The following POLR3A variants were observed in gnomAD, a reference collection of about 807,000 sequenced individuals.
POLR3A encodes DNA-directed RNA polymerase III subunit RPC1.
In POLR3A, 112 loss-of-function variants were observed where a neutral mutation model predicts 152.8. That is an observed-to-expected ratio of 0.73 (90% CI 0.63 to 0.86). The LOEUF (loss-of-function observed/expected upper bound fraction) is 0.86, where lower values mean the gene tolerates loss of function less well. POLR3A is among the 40% of genes least tolerant of loss of function. The pLI is 0.00. For synonymous variants in POLR3A, 615 were observed against 652.1 expected (o/e 0.94, Z 0.87); for missense variants, 1,385 against 1,743.1 (o/e 0.79, Z 3.66).
At chr10:77,985,793 A>G in intron 23 of POLR3A, 110 bp downstream of exon 23, 1 of 814,708 alleles carries the variant, frequency 1.2e-6, no homozygotes, top group Non-Finnish European at 2.2e-6. Flanking sequence ...CTGATCAAAT[A>G]CTGGCAGTTA....
chr10:78,017,532 A>G, intron 10 of POLR3A, 43 bp downstream of exon 10: 1 of 1,607,332 alleles, frequency 6.2e-7, no homozygotes, highest in Non-Finnish European at 8.5e-7. Flanking sequence ...CAGTCATGGC[A>G]AATTTCTACG....
intron 28 of POLR3A, among the ~76,000 whole-genome samples, chr10:77,981,899 C>T (rs1168685991): frequency 2.1e-4 from 30 of 143,938 alleles, no homozygotes; most frequent in African/African-American, 7.1e-4. Context: ...ATTAGCCGGG[C>T]GTGGTGGTGG....
Position 77,977,214 on chromosome 10 carries a change from G to T in POLR3A, c.*264C>A. On this transcript the variant is annotated 3_prime_UTR_variant, in exon 31 of 31. Coordinates refer to ENST00000372371, the MANE Select transcript of POLR3A (RefSeq NM_007055.4). ...GGGAAGCAGTGTGTGCACGAGCTGT[G>T]GGGCCGTCTATAGATTAGGTTTCAA... 2.2e-6 allele frequency: 1 copy of T among 458,204 alleles called. No individual in the cohort carries two copies. Among genetic ancestry groups the T allele is most frequent in the Admixed American group, 3.4e-5 (1 of 29,482 alleles). 28.4% of individuals were successfully genotyped at this position (458,204 alleles called of 1,614,324 possible). A position where few individuals can be genotyped will look rare whatever the true frequency, so the allele number is the denominator to read the frequency against.
In POLR3A at chr10:78,019,194, G is replaced by A; in HGVS notation, c.1257C>T (p.Asn419=). 6.2e-7 allele frequency: 1 copy of A among 1,613,892 alleles called. No homozygotes were observed. Among genetic ancestry groups the A allele is most frequent in the African/African-American group, 1.3e-5 (1 of 75,026 alleles). The change falls in exon 9 of 31, where the codon AAC becomes AAT. Residue 419 remains asparagine (N), a synonymous_variant. Coordinates refer to ENST00000372371, the MANE Select transcript of POLR3A (RefSeq NM_007055.4). The stretch of plus-strand genomic sequence containing the variant: ...TCTGCGTATGTCTCTGCTGAATGAA[G>A]TTTGCTCCTGGGTGAACCTCAGGGC... ...QNGPEVHPGA[N]FIQQRHTQMK... is the part of the protein sequence containing the mutation.
rs141330449 is a variant in POLR3A at position 77,986,036 on chromosome 10, C to T, written c.2988+37G>A. On this transcript the variant is annotated intron_variant, in intron 22 of 30. Transcript: ENST00000372371. ...AGTTAGGGCCAGCGGCAACTACAAACAGCTCGGGGTTCTAACGCGTCTTGG... is the reference window on the plus strand; with the variant it reads ...AGTTAGGGCCAGCGGCAACTACAAATAGCTCGGGGTTCTAACGCGTCTTGG... The T allele has an allele frequency of 5.1e-5, 81 of 1,592,552 alleles. No individual in the cohort carries two copies. The African/African-American group carries it at 9.9e-4, about 20-fold the overall frequency.
rs1198383777 is a variant in POLR3A, at chr10:78,029,418, G to T, written c.-11C>A. The T allele has an allele frequency of 1.2e-6, 2 of 1,613,946 alleles. No homozygotes were observed. The highest frequency in any genetic ancestry group is 1.7e-6 in the Non-Finnish European group (2 of 1,179,990). ...CTGCTCCTTCACCATGATGACCGCTGCCGGGACGCCTCCTTGGCACTCGGG... is the reference window on the plus strand; with the variant it reads ...CTGCTCCTTCACCATGATGACCGCTTCCGGGACGCCTCCTTGGCACTCGGG... On this transcript the variant is annotated 5_prime_UTR_variant, in exon 1 of 31. Transcript: ENST00000372371.
intron 11 of POLR3A, 89 bp downstream of exon 11, chr10:78,013,561 G>C: frequency 7.5e-7 from 1 of 1,339,172 alleles, no homozygotes; most frequent in Non-Finnish European, 1.1e-6. Context: ...CTTTGGCGTT[G>C]TTAGTTGTGG....
chr10:77,993,926 G>T (rs1199130789), intron 19 of POLR3A, among the ~76,000 whole-genome samples: 1 of 152,130 alleles, frequency 6.6e-6, no homozygotes, highest in African/African-American at 2.4e-5. Flanking sequence ...GCAATGCTAT[G>T]GTGGCTCAGT....
intron 28 of POLR3A, among the ~76,000 whole-genome samples, chr10:77,981,839 A>G (rs1251830852): frequency 6.3e-4 from 89 of 142,154 alleles, no homozygotes; most frequent in Non-Finnish European, 1.2e-3. Context: ...CCTGGCTAAC[A>G]TGGTGAAACC....
At position 78,029,457 on chromosome 10, in the gene POLR3A, G is replaced by C. The variant is rs1206075338; in HGVS notation, c.-50C>G. ...TTGGCACTCGGGAGGCCAGATTAGA[G>C]AAACGATGCCCCCAGCACCTCCTGG... On this transcript the variant is annotated 5_prime_UTR_variant, in exon 1 of 31. Coordinates refer to ENST00000372371, the MANE Select transcript of POLR3A (RefSeq NM_007055.4). 3 of 1,599,078 alleles carry C rather than the reference G, an allele frequency of 1.9e-6. No homozygotes were observed. The highest frequency in any genetic ancestry group is 2.6e-6 in the Non-Finnish European group (3 of 1,167,000).
intron 30 of POLR3A, among the ~76,000 whole-genome samples, chr10:77,979,895 G>C (rs551239582): frequency 6.6e-6 from 1 of 152,170 alleles, no homozygotes; most frequent in Non-Finnish European, 1.5e-5. Context: ...TCTTTGCTTC[G>C]TGGACCAAAA....
rs575605419 is a variant in POLR3A, at chr10:77,989,585, A to G, written c.2901+1469T>C. ...CCGGGTAGGAGGTCACCTGTGTTAA[A>G]CCTTTTCAAGGGCAAGAAAGGAACC... On this transcript the variant is annotated intron_variant, in intron 21 of 30. Coordinates refer to ENST00000372371, the MANE Select transcript of POLR3A (RefSeq NM_007055.4). Among the ~76,000 whole-genome samples, 664 of 152,220 alleles carry G rather than the reference A, an allele frequency of 4.4e-3. 1 individual carries two copies. The highest frequency in any genetic ancestry group is 0.015 in the African/African-American group (641 of 41,532).
intron 18 of POLR3A, 79 bp downstream of exon 18, chr10:78,000,897 T>C: frequency 1.2e-6 from 1 of 801,652 alleles, no homozygotes; most frequent in Non-Finnish European, 2.2e-6. Flanking sequence ...CGGTCTTTGA[T>C]CTGAATAGGT....
intron 1 of POLR3A, among the ~76,000 whole-genome samples, chr10:78,027,228 A>G (rs1210605114): frequency 6.6e-6 from 1 of 152,246 alleles, no homozygotes. Flanking sequence ...GACTGGCACA[A>G]GCTTGGCATT....
chr10:77,978,650 C>T lies in POLR3A; in HGVS notation c.4025-1024G>A, dbSNP rs185726047. On this transcript the variant is annotated intron_variant, in intron 30 of 30. Transcript: ENST00000372371. Reference sequence around the variant, plus strand: ...CTAACTGCTGCTCCTTTTCTTTTCCCTTCATGCTAGTTTTTTTTTTTTTTT... The same window carrying T: ...CTAACTGCTGCTCCTTTTCTTTTCCTTTCATGCTAGTTTTTTTTTTTTTTT... 1.9e-4 allele frequency among the ~76,000 whole-genome samples: 28 copies of T among 151,322 alleles called. No homozygotes were observed. The East Asian group carries it at 5.1e-3, about 27-fold the overall frequency.
chr10:77,996,880 T>C, intron 19 of POLR3A, among the ~76,000 whole-genome samples: 1 of 152,134 alleles, frequency 6.6e-6, no homozygotes, highest in East Asian at 1.9e-4. Context: ...TTTAGACCAA[T>C]ATCCTTGATG....
Position 78,025,112 on chromosome 10 carries a change from G to A in POLR3A, c.349C>T (p.Leu117=). 1 of 1,614,206 alleles carries A rather than the reference G, an allele frequency of 6.2e-7. No individual in the cohort carries two copies. The highest frequency in any genetic ancestry group is 8.5e-7 in the Non-Finnish European group (1 of 1,180,018). ...AACTGCTTCTTCTCCTCTTGGGACAGCATGATGTGGCAGCAGGTTTTGCAG... is the reference window on the plus strand; with the variant it reads ...AACTGCTTCTTCTCCTCTTGGGACAACATGATGTGGCAGCAGGTTTTGCAG... ...MICKTCCHIM[L]SQEEKKQFLD... is the part of the protein sequence containing the mutation. The change falls in exon 4 of 31, where the codon CTG becomes TTG. Residue 117 remains leucine, a synonymous_variant. Coordinates refer to ENST00000372371, the MANE Select transcript of POLR3A (RefSeq NM_007055.4).
rs747161830 is a variant in POLR3A, at chr10:77,983,976, C to T, written c.3373G>A (p.Asp1125Asn). ...GAGAGCTTGACGAGAATAAAGCAGT[C>T]ATCAGGAAGAAACACTTCTTCAATA... Reference protein sequence around the residue: ...EYIEEVFLPDDCFILVKLSLE... With the variant: ...EYIEEVFLPDNCFILVKLSLE... Residue 1125 changes from aspartate to asparagine, a missense_variant, in exon 26 of 31, where the codon GAC (aspartate) becomes AAC (asparagine). By Grantham distance (23) the Asp-to-Asn change is conservative. Coordinates refer to ENST00000372371, the MANE Select transcript of POLR3A (RefSeq NM_007055.4). 6.2e-7 allele frequency: 1 copy of T among 1,612,832 alleles called. No individual in the cohort carries two copies. Among genetic ancestry groups the T allele is most frequent in the Non-Finnish European group, 8.5e-7 (1 of 1,178,892 alleles).
rs1303338359 is a variant in POLR3A at position 78,004,906 on chromosome 10, C to A, written c.2075-18G>T. 5.6e-6 allele frequency: 9 copies of A among 1,612,748 alleles called. No individual in the cohort carries two copies. The highest frequency in any genetic ancestry group is 2.2e-5 in the South Asian group (2 of 91,014). ...ACGGTTAGCTGTTGAGTTGGTAGAG[C>A]AGGAAGAAAGGGCCATAAATGAGAC... On this transcript the variant is annotated intron_variant, in intron 15 of 30. Coordinates refer to ENST00000372371, the MANE Select transcript of POLR3A (RefSeq NM_007055.4).
Sources: allele counts gnomAD v4.1 joint callset (sites outside exome capture counted in the v4.1 genomes callset), GRCh38; gene constraint gnomAD v4.1.1; transcripts MANE v1.5; gene names NCBI Gene and HGNC (gene_info 2026-07-23, HGNC 2026-07-21).